Variants in PDE1C observed in about 807,000 individuals in gnomAD.
PDE1C encodes phosphodiesterase 1C.
Under a neutral mutation model 93.1 loss-of-function variants are expected in PDE1C, and 62 were observed. The observed-to-expected ratio is 0.67, with a 90% CI of 0.54 to 0.82. PDE1C has a LOEUF of 0.82. Ranked by LOEUF, PDE1C falls within the 40% of genes least tolerant of loss-of-function variation. PDE1C has a pLI of 0.00. For synonymous variants in PDE1C, 325 were observed against 310.1 expected (o/e 1.05, Z -0.50); for missense variants, 742 against 884.6 (o/e 0.84, Z 2.04).
chr7:32,225,139 C>T (rs1369261226), intron 1 of PDE1C, among the ~76,000 whole-genome samples: 1 of 152,132 alleles, frequency 6.6e-6, no homozygotes, highest in Admixed American at 6.5e-5. Context: ...TTTCTCATCA[C>T]ATACTGGCAA....
intron 2 of PDE1C, among the ~76,000 whole-genome samples, chr7:32,200,961 C>A (rs1804966912): frequency 6.6e-6 from 1 of 152,200 alleles, no homozygotes; most frequent in African/African-American, 2.4e-5. Context: ...CTTCTCCACC[C>A]TGCATAGCCA....
At chr7:31,811,840 C>A (rs909521960) in intron 15 of PDE1C, among the ~76,000 whole-genome samples, 1 of 152,048 alleles carries the variant, frequency 6.6e-6, no homozygotes, top group East Asian at 1.9e-4. Flanking sequence ...ATTAGAAGAT[C>A]CTGTCACTGC....
chr7:32,101,453 T>C (rs1798031805), intron 3 of PDE1C, among the ~76,000 whole-genome samples: 1 of 151,594 alleles, frequency 6.6e-6, no homozygotes, highest in South Asian at 2.1e-4. Flanking sequence ...TGGTGGGAGG[T>C]TTTTGGGTCA....
At chr7:31,663,327 C>T in the PDE1C span, among the ~76,000 whole-genome samples, 4 of 152,156 alleles carry the variant, frequency 2.6e-5, no homozygotes, top group African/African-American at 7.2e-5. Context: ...CTCTTGCCAC[C>T]GCGTTGTAAT....
intron 2 of PDE1C, among the ~76,000 whole-genome samples, chr7:32,026,470 G>A (rs937589232): frequency 1.4e-4 from 21 of 152,116 alleles, no homozygotes; most frequent in African/African-American, 5.1e-4. Context: ...TATTAAGACA[G>A]TCTTCACCAT....
intron 1 of PDE1C, among the ~76,000 whole-genome samples, chr7:32,341,466 C>T (rs544759593): frequency 2.4e-4 from 37 of 151,954 alleles, no homozygotes; most frequent in African/African-American, 7.7e-4. Context: ...TGAGCCACCG[C>T]GCCCGGCCTA....
At chr7:31,814,081 T>TACAC (rs141676874) in intron 15 of PDE1C, among the ~76,000 whole-genome samples, 5,418 of 149,260 alleles carry the variant, frequency 0.036, 103 homozygotes, top group East Asian at 0.057. Context: ...CATATATATG[T>TACAC]ACACACACAC....
chr7:31,879,215 A>G (rs1256313557), intron 3 of PDE1C, 37 bp from the exon 4 acceptor site: 6 of 1,582,006 alleles, frequency 3.8e-6, no homozygotes, highest in Non-Finnish European at 5.2e-6. Context: ...ACTGAGATTA[A>G]ATCTGAAGTT....
In PDE1C at chr7:32,047,032, G is replaced by GATGTGT. The variant is rs113331207; in HGVS notation, c.128+4521_128+4522insACACAT. Among the ~76,000 whole-genome samples the GATGTGT allele has an allele frequency of 5.7e-3, 841 of 148,806 alleles. 9 individuals carry two copies. Among genetic ancestry groups the GATGTGT allele is most frequent in the African/African-American group, 0.02 (801 of 40,402 alleles). On this transcript the variant is annotated intron_variant, in intron 2 of 17. Transcript: ENST00000396191. ...TAATCCCCTATCATACTGAAATAGG[G>GATGTGT]GTGTGTGTGTGTGTGTGTGTGCGAG...
chr7:31,919,867 C>A (rs1802387105), intron 2 of PDE1C, among the ~76,000 whole-genome samples: 2 of 152,168 alleles, frequency 1.3e-5, no homozygotes, highest in Non-Finnish European at 2.9e-5. Context: ...TGCTCCCAAC[C>A]TACCCTCCAC....
At chr7:32,026,041 ACACCT>A (rs1293507391) in intron 2 of PDE1C, among the ~76,000 whole-genome samples, 1 of 151,948 alleles carries the variant, frequency 6.6e-6, no homozygotes, top group Non-Finnish European at 1.5e-5. Flanking sequence ...CAATATTTCC[ACACCT>A]CACACACAAG....
chr7:32,104,953 C>T (rs75402054), intron 3 of PDE1C, among the ~76,000 whole-genome samples: 3,272 of 152,180 alleles, frequency 0.022, 125 homozygotes, highest in African/African-American at 0.076. Context: ...TTCAAGGCTT[C>T]AGGAAAAAAT....
chr7:31,623,831 G>C, the PDE1C span, among the ~76,000 whole-genome samples: 24 of 152,142 alleles, frequency 1.6e-4, no homozygotes, highest in Non-Finnish European at 3.2e-4. Flanking sequence ...AAGTCAAATT[G>C]TCCCTGTTTG....
chr7:32,065,459 C>A (rs988570927), intron 1 of PDE1C, among the ~76,000 whole-genome samples: 2 of 152,204 alleles, frequency 1.3e-5, no homozygotes, highest in Admixed American at 1.3e-4. Flanking sequence ...CCTTCTCTGG[C>A]CCTCCCAGGT....
the PDE1C span, chr7:31,651,108 G>A: frequency 6.2e-7 from 1 of 1,602,206 alleles, no homozygotes; most frequent in South Asian, 1.1e-5. Context: ...GATCAGAGAG[G>A]ACTTTCTTCT....
At chr7:32,325,910 A>G (rs6979966) in intron 1 of PDE1C, among the ~76,000 whole-genome samples, 4,871 of 152,352 alleles carry the variant, frequency 0.032, 147 homozygotes, top group African/African-American at 0.079. Flanking sequence ...AGACCATTTA[A>G]GAAACGATTG....
intron 1 of PDE1C, among the ~76,000 whole-genome samples, chr7:32,209,836 G>C (rs11977265): frequency 0.36 from 54,146 of 152,014 alleles, 10,759 homozygotes; most frequent in Admixed American, 0.48. Flanking sequence ...CATCCACTTA[G>C]TAAGAGGCAC....
At chr7:31,747,731 G>A (rs1437549638), downstream of PDE1C, among the ~76,000 whole-genome samples, 6 of 151,964 alleles carry the variant, frequency 3.9e-5, no homozygotes. Context: ...CTGCTGATTG[G>A]TTAGGGATGA....
intron 2 of PDE1C, among the ~76,000 whole-genome samples, chr7:32,000,169 C>T (rs1438136265): frequency 6.6e-6 from 1 of 152,168 alleles, no homozygotes. Flanking sequence ...GTAAACTGGG[C>T]TTCACCGCTC....
Sources: allele counts gnomAD v4.1 joint callset (sites outside exome capture counted in the v4.1 genomes callset), GRCh38; gene constraint gnomAD v4.1.1; transcripts MANE v1.5; gene names NCBI Gene and HGNC (gene_info 2026-07-23, HGNC 2026-07-21).